POLA1: variants seen among roughly 807,000 people sequenced by gnomAD.
POLA1 encodes the protein DNA polymerase alpha catalytic subunit.
A neutral mutation model predicts 124.0 loss-of-function variants in POLA1; 15 were observed. The observed-to-expected ratio is 0.12, with a 90% CI of 0.08 to 0.19. POLA1 has a LOEUF of 0.19. Among genes scored for constraint, POLA1 ranks in the 10% least tolerant of loss-of-function variants. POLA1 has a pLI of 1.00. For missense variants in POLA1, 886 were observed against 1,103.4 expected (o/e 0.80, Z 2.79); for synonymous variants, 408 against 389.4 (o/e 1.05, Z -0.56).
At chrX:24,703,934 T>C (rs11573313) in intron 3 of POLA1, among the ~76,000 whole-genome samples, 200 of 112,078 alleles carry the variant, frequency 1.8e-3, no homozygotes, top group African/African-American at 6.0e-3. Context: ...TTCATGGCCA[T>C]GTGAATGCTG....
At chrX:24,953,440 G>C (rs2048071042) in intron 36 of POLA1, among the ~76,000 whole-genome samples, 1 of 111,766 alleles carries the variant, frequency 8.9e-6, no homozygotes, top group South Asian at 3.8e-4. Flanking sequence ...AAATGGGGTG[G>C]TTTGATAGAA....
chrX:24,930,609 C>G, intron 36 of POLA1, 60 bp downstream of exon 36: 1 of 738,532 alleles, frequency 1.4e-6, no homozygotes, highest in Non-Finnish European at 2.1e-6. Flanking sequence ...TTATAAAAGC[C>G]AGACCTACTG....
intron 19 of POLA1, among the ~76,000 whole-genome samples, chrX:24,738,336 G>C (rs1468117543): frequency 1.8e-5 from 2 of 110,228 alleles, no homozygotes; most frequent in African/African-American, 6.6e-5. Context: ...TGTCATTCCT[G>C]AAGTGATAGC....
intron 35 of POLA1, 133 bp from the exon 36 acceptor site, chrX:24,930,320 T>C: frequency 4.2e-6 from 2 of 481,587 alleles, no homozygotes; most frequent in South Asian, 6.2e-5. Flanking sequence ...GATTCTGCCC[T>C]TCTTACCCAC....
At chrX:24,738,246 A>G (rs1056845350) in intron 19 of POLA1, among the ~76,000 whole-genome samples, 2 of 106,316 alleles carry the variant, frequency 1.9e-5, no homozygotes, top group South Asian at 4.0e-4. Flanking sequence ...AAAAAAAAAA[A>G]GCCTCTGGTA....
At chrX:24,894,957 A>G (rs1050822481) in intron 35 of POLA1, among the ~76,000 whole-genome samples, 5 of 109,648 alleles carry the variant, frequency 4.6e-5, no homozygotes, top group African/African-American at 1.7e-4. Flanking sequence ...TATTTTTTGT[A>G]GAAACTGGGC....
At chrX:24,729,290 T>C (rs1263130633) in intron 15 of POLA1, among the ~76,000 whole-genome samples, 1 of 111,575 alleles carries the variant, frequency 9.0e-6, no homozygotes, top group African/African-American at 3.3e-5. Flanking sequence ...GCCAGTAGCA[T>C]CCGTCCCCTC....
chrX:24,864,362 T>G (rs2046762564), intron 34 of POLA1, among the ~76,000 whole-genome samples: 1 of 112,221 alleles, frequency 8.9e-6, no homozygotes, highest in African/African-American at 3.2e-5. Context: ...TGAGCAAATT[T>G]TTTACCTTAA....
intron 35 of POLA1, among the ~76,000 whole-genome samples, chrX:24,905,556 C>T (rs1490189537): frequency 4.3e-5 from 4 of 93,357 alleles, no homozygotes; most frequent in Non-Finnish European, 8.5e-5. Context: ...TGGTGAACCC[C>T]CCCCCCCTTT....
intron 26 of POLA1, among the ~76,000 whole-genome samples, chrX:24,782,821 A>C (rs1297124210): frequency 1.8e-5 from 2 of 111,491 alleles, no homozygotes; most frequent in African/African-American, 3.3e-5. Flanking sequence ...AGGAGAGGCT[A>C]ATCTGTCTTA....
chrX:24,795,265 C>T (rs143477004), intron 26 of POLA1, among the ~76,000 whole-genome samples: 1,354 of 111,216 alleles, frequency 0.012, 22 homozygotes, highest in African/African-American at 0.041. Flanking sequence ...TCTCTTGCTC[C>T]CATAATCAGT....
At chrX:24,981,556 A>G (rs1049471506) in intron 36 of POLA1, among the ~76,000 whole-genome samples, 3 of 112,766 alleles carry the variant, frequency 2.7e-5, no homozygotes, top group East Asian at 2.8e-4. Context: ...AGGTGTTGTC[A>G]CACTACACTA....
intron 36 of POLA1, among the ~76,000 whole-genome samples, chrX:24,962,254 A>G: frequency 9.0e-6 from 1 of 111,295 alleles, no homozygotes; most frequent in East Asian, 2.8e-4. Flanking sequence ...TCAAGAACAA[A>G]GAAGTGAAAA....
chrX:24,772,155 C>T (rs2045051504), intron 26 of POLA1, among the ~76,000 whole-genome samples: 2 of 111,090 alleles, frequency 1.8e-5, no homozygotes, highest in African/African-American at 6.5e-5. Context: ...TTTATCAATA[C>T]CCCTATTTTA....
At chrX:24,838,713 A>G (rs1218775585) in intron 32 of POLA1, among the ~76,000 whole-genome samples, 1 of 112,468 alleles carries the variant, frequency 8.9e-6, no homozygotes, top group African/African-American at 3.2e-5. Context: ...TTTTGCTTTA[A>G]TGTCATTTTT....
At chrX:24,897,815 C>T (rs1000993061) in intron 35 of POLA1, among the ~76,000 whole-genome samples, 1 of 112,311 alleles carries the variant, frequency 8.9e-6, no homozygotes, top group African/African-American at 3.2e-5. Flanking sequence ...AGGACATTTT[C>T]CTGTCACCGA....
At chrX:24,705,266 T>C (rs5986703) in intron 4 of POLA1, among the ~76,000 whole-genome samples, 14,251 of 111,518 alleles carry the variant, frequency 0.13, 946 homozygotes, top group Non-Finnish European at 0.19. Context: ...TTGCCTGTTT[T>C]TGTGTGGCTC....
chrX:24,737,151 A>G (rs1931329967), intron 18 of POLA1, among the ~76,000 whole-genome samples: 1 of 111,439 alleles, frequency 9.0e-6, no homozygotes, highest in Non-Finnish European at 1.9e-5. Flanking sequence ...GTAGTGTTTG[A>G]ACTCAATTTT....
At chrX:24,764,089 T>C (rs1932847672) in intron 26 of POLA1, among the ~76,000 whole-genome samples, 1 of 111,797 alleles carries the variant, frequency 8.9e-6, no homozygotes, top group African/African-American at 3.3e-5. Context: ...TTAACCTCAT[T>C]GACCCTCTGC....
Sources: allele counts gnomAD v4.1 joint callset (sites outside exome capture counted in the v4.1 genomes callset), GRCh38; gene constraint gnomAD v4.1.1; transcripts MANE v1.5; gene names NCBI Gene and HGNC (gene_info 2026-07-23, HGNC 2026-07-21).